The following PRSS23 variants were observed in gnomAD, a reference collection of about 807,000 sequenced individuals.
The protein encoded by PRSS23 is serine protease 23.
A neutral mutation model predicts 34.7 loss-of-function variants in PRSS23; 25 were observed. The ratio of observed to expected loss-of-function variants is 0.72; its 90% CI spans 0.53 to 1.01. The LOEUF is 1.01. PRSS23 is among the 50% of genes least tolerant of loss of function. The pLI, the probability that PRSS23 is intolerant of heterozygous loss-of-function variation, is 0.00. For missense variants in PRSS23, 445 were observed against 475.6 expected (o/e 0.94, Z 0.60); for synonymous variants, 176 against 186.6 (o/e 0.94, Z 0.46).
chr11:86,864,355 G>C (rs933470648), intron 2 of PRSS23, among the ~76,000 whole-genome samples: 1 of 152,238 alleles, frequency 6.6e-6, no homozygotes, highest in Non-Finnish European at 1.5e-5. Flanking sequence ...GGGAGAGGCA[G>C]TGTCACAGGA....
intron 2 of PRSS23, among the ~76,000 whole-genome samples, chr11:86,922,854 C>T (rs1167805020): frequency 1.3e-5 from 2 of 152,128 alleles, no homozygotes; most frequent in Non-Finnish European, 2.9e-5. Context: ...AACAGGTGCA[C>T]AAAATGTTTG....
chr11:86,884,248 T>G (rs546356621), intron 2 of PRSS23, among the ~76,000 whole-genome samples: 2 of 152,292 alleles, frequency 1.3e-5, no homozygotes, highest in African/African-American at 4.8e-5. Flanking sequence ...TTTTGACCCT[T>G]CCAATTCACC....
At chr11:86,877,305 G>A (rs1390152349) in intron 2 of PRSS23, among the ~76,000 whole-genome samples, 2 of 152,178 alleles carry the variant, frequency 1.3e-5, no homozygotes, top group African/African-American at 4.8e-5. Context: ...TTTAGTGGGG[G>A]ATTAAAGGGA....
At position 86,808,570 on chromosome 11, in the gene PRSS23, C is replaced by A. The variant is rs922808925; in HGVS notation, c.927C>A (p.Cys309Ter). Residue 309 changes from cysteine (C) to a stop codon, truncating the protein, a stop_gained, in exon 2 of 2, where the codon TGC (cysteine) becomes TGA (stop). Coordinates refer to ENST00000280258, the MANE Select transcript of PRSS23 (RefSeq NM_007173.6). LOFTEE classifies it high-confidence loss of function. Reference sequence around the variant, plus strand: ...CCTATGACTTGCTCTACCAGCAATGCGATGCCCAGCCAGGGGCCAGCGGGT... The same window carrying A: ...CCTATGACTTGCTCTACCAGCAATGAGATGCCCAGCCAGGGGCCAGCGGGT... ...DETYDLLYQQCDAQPGASGSG... is the reference protein window; with the variant it reads ...DETYDLLYQQ The A allele has an allele frequency of 6.2e-7, 1 of 1,614,182 alleles. No individual in the cohort carries two copies. Among genetic ancestry groups the A allele is most frequent in the East Asian group, 2.2e-5 (1 of 44,884 alleles).
chr11:86,836,107 G>A (rs577552499), intron 2 of PRSS23, among the ~76,000 whole-genome samples: 1 of 152,204 alleles, frequency 6.6e-6, no homozygotes, highest in African/African-American at 2.4e-5. Context: ...TGCTTCCTCT[G>A]GTATTTGAGA....
At chr11:86,858,171 C>T (rs1424059652) in intron 2 of PRSS23, among the ~76,000 whole-genome samples, 2 of 151,992 alleles carry the variant, frequency 1.3e-5, no homozygotes, top group East Asian at 3.9e-4. Context: ...AATGACATTT[C>T]TCCTAATATG....
At chr11:86,799,388 A>C (rs1423420559), upstream of PRSS23, among the ~76,000 whole-genome samples, 1 of 152,218 alleles carries the variant, frequency 6.6e-6, no homozygotes. Flanking sequence ...CTGAGAGTAG[A>C]CTTTGATAGG....
intron 2 of PRSS23, chr11:86,950,598 A>G (rs931829874): frequency 5.7e-6 from 1 of 175,452 alleles, no homozygotes; most frequent in African/African-American, 2.4e-5. Context: ...ACAAAGTTCT[A>G]AACAGCAGAC....
chr11:86,841,533 G>T (rs567545945), intron 2 of PRSS23, among the ~76,000 whole-genome samples: 1 of 151,914 alleles, frequency 6.6e-6, no homozygotes, highest in African/African-American at 2.4e-5. Flanking sequence ...AACACAGACC[G>T]CTAGCAAGAC....
intron 2 of PRSS23, among the ~76,000 whole-genome samples, chr11:86,927,839 G>GCTA (rs1410334491): frequency 6.6e-6 from 1 of 152,036 alleles, no homozygotes; most frequent in Non-Finnish European, 1.5e-5. Context: ...TGTAGTCCCA[G>GCTA]CTACTCAGGG....
intron 2 of PRSS23, among the ~76,000 whole-genome samples, chr11:86,900,114 T>C (rs573444029): frequency 6.6e-6 from 1 of 152,338 alleles, no homozygotes; most frequent in African/African-American, 2.4e-5. Context: ...ACATGTTTCC[T>C]GAGATACTTA....
rs1442184009 is a variant in PRSS23 at position 86,808,383 on chromosome 11, A to G, written c.740A>G (p.Tyr247Cys). ...AATGACATCGGCATGGATTATGATT[A>G]TGCCCTCCTGGAACTCAAAAAGCCC... Reference protein sequence around the residue: ...NANDIGMDYDYALLELKKPHK... With the variant: ...NANDIGMDYDCALLELKKPHK... Residue 247 changes from tyrosine to cysteine, a missense_variant, in exon 2 of 2, where the codon TAT becomes TGT. Tyr to Cys is a radical substitution (Grantham distance 194). Transcript: ENST00000280258. The G allele has an allele frequency of 6.2e-7, 1 of 1,614,104 alleles. No individual in the cohort carries two copies. The highest frequency in any genetic ancestry group is 8.5e-7 in the Non-Finnish European group (1 of 1,180,050).
At chr11:86,909,193 C>T (rs944584317) in intron 2 of PRSS23, 2 of 152,106 alleles carry the variant, frequency 1.3e-5, no homozygotes, top group Non-Finnish European at 1.5e-5. Context: ...AGGCCTTCCT[C>T]CATATGGCCT....
At chr11:86,931,179 GT>G (rs1160602657) in intron 2 of PRSS23, among the ~76,000 whole-genome samples, 2 of 152,186 alleles carry the variant, frequency 1.3e-5, no homozygotes. Context: ...CTGTCTGGCA[GT>G]TTCTTATAAA....
chr11:86,800,356 G>A, upstream of PRSS23: 1 of 770,024 alleles, frequency 1.3e-6, no homozygotes, highest in Non-Finnish European at 1.6e-6. Flanking sequence ...CTCGGCCTCA[G>A]GCCCTCTGGG....
Position 86,949,683 on chromosome 11 carries a change from T to C in PRSS23, c.207-1533T>C, listed in dbSNP as rs1021341566. ...AACGTATGCATAAATTTTAAAAGCT[T>C]TGGATACCTCTGCTAAAGGCAATTA... On this transcript the variant is annotated intron_variant, in intron 2 of 2. Coordinates refer to the PRSS23 transcript ENST00000533902. 8.5e-5 allele frequency: 13 copies of C among 152,688 alleles called. No homozygotes were observed. Among genetic ancestry groups the C allele is most frequent in the Admixed American group, 1.3e-4 (2 of 15,288 alleles). The allele number at this position is 152,688 out of a possible 1,614,324, so 9.5% of individuals were successfully genotyped here.
At chr11:86,879,678 G>T (rs1590909795) in intron 2 of PRSS23, among the ~76,000 whole-genome samples, 1 of 136,172 alleles carries the variant, frequency 7.3e-6, no homozygotes, top group Non-Finnish European at 1.6e-5. Context: ...GGAGGTGGGG[G>T]GGTCAGCCCC....
intron 1 of PRSS23, among the ~76,000 whole-genome samples, chr11:86,792,332 T>C (rs191450578): frequency 6.2e-4 from 94 of 152,308 alleles, no homozygotes; most frequent in Admixed American, 1.4e-3. Context: ...CCCTCCAAGG[T>C]GCTCATGCTC....
At chr11:86,847,388 T>C (rs1309464838) in intron 2 of PRSS23, among the ~76,000 whole-genome samples, 3 of 152,202 alleles carry the variant, frequency 2.0e-5, no homozygotes, top group African/African-American at 7.2e-5. Context: ...CAACAGTCCT[T>C]GTGCCCCATT....
Sources: allele counts gnomAD v4.1 joint callset (sites outside exome capture counted in the v4.1 genomes callset), GRCh38; gene constraint gnomAD v4.1.1; transcripts MANE v1.5; gene names NCBI Gene and HGNC (gene_info 2026-07-23, HGNC 2026-07-21).